The following PIK3C2B variants were observed in gnomAD, a reference collection of about 807,000 sequenced individuals.
PIK3C2B encodes phosphatidylinositol-4-phosphate 3-kinase catalytic subunit type 2 beta, also known as phosphatidylinositol 4-phosphate 3-kinase C2 domain-containing subunit beta.
A neutral mutation model predicts 184.3 loss-of-function variants in PIK3C2B; 83 were observed. That is an observed-to-expected ratio of 0.45 (90% CI 0.38 to 0.54). PIK3C2B has a LOEUF of 0.54. Ranked by LOEUF, PIK3C2B falls within the 20% of genes least tolerant of loss-of-function variation. The probability of loss-of-function intolerance (pLI) is 0.00; values close to 1 mark genes in which losing one functional copy is unlikely to be tolerated. For missense variants in PIK3C2B, 1,736 were observed against 2,113.5 expected, an observed-to-expected ratio of 0.82 and a Z score of 3.50; for synonymous variants, 779 against 837.6, an observed-to-expected ratio of 0.93 and a Z score of 1.21.
At chr1:204,479,977 C>T (rs1294382128) in intron 1 of PIK3C2B, among the ~76,000 whole-genome samples, 1 of 152,200 alleles carries the variant, frequency 6.6e-6, no homozygotes, top group Non-Finnish European at 1.5e-5. Flanking sequence ...CAGGAGAGGC[C>T]ACGGCAGAGG....
chr1:204,438,902 C>A, intron 23 of PIK3C2B, 33 bp downstream of exon 23: 2 of 1,604,718 alleles, frequency 1.2e-6, no homozygotes, highest in Middle Eastern at 1.8e-4. Flanking sequence ...GGCACACACA[C>A]ACACCAGACG....
At position 204,441,495 on chromosome 1, in the gene PIK3C2B, A is replaced by G; in HGVS notation, c.3225T>C (p.Gly1075=). Reference sequence around the variant, plus strand: ...CCTTGAAGATGACACGGATGTTCTCACCCAGGGGATCCACATTTTGGAAGG... The same window carrying G: ...CCTTGAAGATGACACGGATGTTCTCGCCCAGGGGATCCACATTTTGGAAGG... ...KLSFQNVDPL[G]ENIRVIFKCG... Residue 1075 remains glycine, a synonymous_variant, in exon 21 of 33, where the codon GGT becomes GGC. Coordinates refer to ENST00000684373, the MANE Select transcript of PIK3C2B (RefSeq NM_001377334.1). 4 of 1,612,084 alleles carry G rather than the reference A, an allele frequency of 2.5e-6. No individual in the cohort carries two copies. The highest frequency in any genetic ancestry group is 1.3e-5 in the African/African-American group (1 of 74,984).
At position 204,432,359 on chromosome 1, in the gene PIK3C2B, A is replaced by G; in HGVS notation, c.3996T>C (p.Asn1332=). The G allele has an allele frequency of 1.2e-6, 2 of 1,614,178 alleles. No homozygotes were observed. The highest frequency in any genetic ancestry group is 2.2e-5 in the East Asian group (1 of 44,886). The part of the protein sequence containing the change: ...SSLGSVATKL[N]FFIHNLAQMK... ...TCTGAGCCAGATTATGGATGAAAAAATTGAGCTTTGTGGCTACACTGCCCA... is the reference window on the plus strand; with the variant it reads ...TCTGAGCCAGATTATGGATGAAAAAGTTGAGCTTTGTGGCTACACTGCCCA... The change falls in exon 27 of 33, where the codon AAT becomes AAC. Residue 1332 remains asparagine (N), a synonymous_variant. Coordinates refer to ENST00000684373, the MANE Select transcript of PIK3C2B (RefSeq NM_001377334.1).
Position 204,469,928 on chromosome 1 carries a change from G to A in PIK3C2B, c.-84-42C>T, listed in dbSNP as rs971414236. 4 of 630,818 alleles carry A rather than the reference G, an allele frequency of 6.3e-6. No individual in the cohort carries two copies. The African/African-American group carries it at 7.4e-5, about 12-fold the overall frequency. The allele number at this position is 630,818 out of a possible 1,614,324, so 39.1% of individuals were successfully genotyped here. A position where few individuals can be genotyped will look rare whatever the true frequency, so the allele number is the denominator to read the frequency against. On this transcript the variant is annotated intron_variant, in intron 1 of 32. Coordinates refer to ENST00000684373, the MANE Select transcript of PIK3C2B (RefSeq NM_001377334.1). ...AAAATATCAATCAGTCACAAAGAGAGATTTACTAATCATCCATAATAATCC... is the reference window on the plus strand; with the variant it reads ...AAAATATCAATCAGTCACAAAGAGAAATTTACTAATCATCCATAATAATCC...
intron 9 of PIK3C2B, 65 bp from the exon 10 acceptor site, chr1:204,457,135 A>G: frequency 7.0e-7 from 1 of 1,431,016 alleles, no homozygotes; most frequent in Non-Finnish European, 9.6e-7. Flanking sequence ...CAGCTGGAAG[A>G]AGGGCTTTTC....
rs191082530 is a variant in PIK3C2B at position 204,433,258 on chromosome 1, G to A, written c.3953+58C>T. Reference sequence around the variant, plus strand: ...TCCCCAGTCCTCCTCCTGCCAATCCGGCAGGCTGGGAATTACTCAGGGTGG... The same window carrying A: ...TCCCCAGTCCTCCTCCTGCCAATCCAGCAGGCTGGGAATTACTCAGGGTGG... On this transcript the variant is annotated intron_variant, in intron 26 of 32. Transcript: ENST00000684373. This position sits in a 1 kb window ranked among gnomAD's most constrained non-coding sequence, Gnocchi z 5.0. 2.4e-4 allele frequency: 229 copies of A among 945,722 alleles called. 1 individual carries two copies. The highest frequency in any genetic ancestry group is 1.5e-3 in the African/African-American group (94 of 61,410). The allele number at this position is 945,722 out of a possible 1,614,324, so 58.6% of individuals were successfully genotyped here.
At chr1:204,478,726 T>C (rs557142565) in intron 1 of PIK3C2B, among the ~76,000 whole-genome samples, 2 of 152,344 alleles carry the variant, frequency 1.3e-5, no homozygotes, top group South Asian at 4.1e-4. Context: ...CTACCAGGAC[T>C]TACTCTCCAT....
At chr1:204,436,402 T>C (rs1168554574) in intron 23 of PIK3C2B, among the ~76,000 whole-genome samples, 1 of 152,118 alleles carries the variant, frequency 6.6e-6, no homozygotes, top group Non-Finnish European at 1.5e-5. Context: ...TGGTGGCACA[T>C]GCCTGTAGTC....
intron 19 of PIK3C2B, among the ~76,000 whole-genome samples, chr1:204,443,101 T>C (rs530229945): frequency 6.6e-6 from 1 of 152,328 alleles, no homozygotes; most frequent in African/African-American, 2.4e-5. Context: ...GTGAACAAAA[T>C]ATGGCTGGAT....
rs61757999 is a variant in PIK3C2B, at chr1:204,432,938, G to A, written c.3953+378C>T. 7.3e-3 allele frequency among the ~76,000 whole-genome samples: 1,116 copies of A among 152,344 alleles called. 12 individuals are homozygous for A. Among genetic ancestry groups the A allele is most frequent in the African/African-American group, 0.025 (1,044 of 41,572 alleles). On this transcript the variant is annotated intron_variant, in intron 26 of 32. Transcript: ENST00000684373. ...AAACATTGTCAAATATGAGGAGACT[G>A]AATCATGGAACTCCATGTTCTGGCA... is the stretch of plus-strand genomic sequence containing the variant.
intron 9 of PIK3C2B, 41 bp from the exon 10 acceptor site, chr1:204,457,111 A>G (rs1467992118): frequency 6.5e-7 from 1 of 1,542,198 alleles, no homozygotes; most frequent in Non-Finnish European, 8.8e-7. Context: ...TCAGGGCCAT[A>G]GCCTTTTTCG....
rs1473759441 is a variant in PIK3C2B at position 204,469,683 on chromosome 1, G to A, written c.120C>T (p.Leu40=). ...LQMEYDALSR[L]RHDKEENRAK... Reference sequence around the variant, plus strand: ...CTCTGTTCTCCTCCTTGTCATGCCGGAGCCGGGACAGGGCATCATACTCCA... The same window carrying A: ...CTCTGTTCTCCTCCTTGTCATGCCGAAGCCGGGACAGGGCATCATACTCCA... The change falls in exon 2 of 33, where the codon CTC becomes CTT. Residue 40 remains leucine (L), a synonymous_variant. Transcript: ENST00000684373. The A allele has an allele frequency of 1.1e-5, 17 of 1,613,924 alleles. No individual in the cohort carries two copies. The highest frequency in any genetic ancestry group is 8.5e-7 in the Non-Finnish European group (1 of 1,179,990).
chr1:204,466,879 T>A (rs1279445150), intron 2 of PIK3C2B: 5 of 533,060 alleles, frequency 9.4e-6, no homozygotes, highest in Non-Finnish European at 1.9e-5. Context: ...AGCCAGCCAG[T>A]TCCAGAGCTG....
Position 204,469,866 on chromosome 1 carries a change from T to G in PIK3C2B, c.-64A>C. The G allele has an allele frequency of 1.8e-6, 2 of 1,098,902 alleles. No individual in the cohort carries two copies. The highest frequency in any genetic ancestry group is 2.8e-6 in the Non-Finnish European group (2 of 726,880). The allele number at this position is 1,098,902 out of a possible 1,614,324, so 68.1% of individuals were successfully genotyped here. On this transcript the variant is annotated 5_prime_UTR_variant, in exon 2 of 33. Transcript: ENST00000684373. ...CCTGCCAACGTCAGTTCTGGAGGGTTGTGACATGGTGTCTGGGCGCCTGCA... is the reference window on the plus strand; with the variant it reads ...CCTGCCAACGTCAGTTCTGGAGGGTGGTGACATGGTGTCTGGGCGCCTGCA...
chr1:204,442,417 A>T, intron 20 of PIK3C2B, 109 bp downstream of exon 20: 1 of 694,784 alleles, frequency 1.4e-6, no homozygotes. Flanking sequence ...TTAGCAACAT[A>T]CTGACGCCCA....
intron 31 of PIK3C2B, among the ~76,000 whole-genome samples, chr1:204,427,443 T>C (rs1674802484): frequency 6.6e-6 from 1 of 152,176 alleles, no homozygotes. Context: ...AATGATTAGG[T>C]TACTTGTCAA....
At chr1:204,493,895 T>C (rs1052642407) in intron 1 of PIK3C2B, among the ~76,000 whole-genome samples, 8 of 152,180 alleles carry the variant, frequency 5.3e-5, no homozygotes, top group African/African-American at 1.4e-4. Flanking sequence ...TCCGCCCGAC[T>C]AAGAAACGTA....
At chr1:204,465,179 C>CA in intron 3 of PIK3C2B, 40 bp downstream of exon 3, 1 of 945,954 alleles carries the variant, frequency 1.1e-6, no homozygotes, top group Non-Finnish European at 1.7e-6. Context: ...CCCCATCCCC[C>CA]ATAGCCCTCC....
intron 20 of PIK3C2B, among the ~76,000 whole-genome samples, chr1:204,441,925 G>A (rs1675685584): frequency 6.6e-6 from 1 of 152,168 alleles, no homozygotes; most frequent in Non-Finnish European, 1.5e-5. Flanking sequence ...TAAGAGTTGT[G>A]AAGATGAAAT....
Sources: allele counts gnomAD v4.1 joint callset (sites outside exome capture counted in the v4.1 genomes callset), GRCh38; gene constraint gnomAD v4.1.1; non-coding constraint Gnocchi (gnomAD v3.1); transcripts MANE v1.5; gene names NCBI Gene and HGNC (gene_info 2026-07-23, HGNC 2026-07-21).